Variants in EVC2 observed in about 807,000 individuals in gnomAD.
The protein encoded by EVC2 is limbin.
Under a neutral mutation model 149.3 loss-of-function variants are expected in EVC2, and 148 were observed. The observed-to-expected ratio is 0.99, with a 90% CI of 0.87 to 1.14. EVC2 has a LOEUF of 1.14. Ranked by LOEUF, EVC2 falls within the 50% of genes most tolerant of loss-of-function variation. The pLI is 0.00. For synonymous variants in EVC2, 776 were observed against 649.9 expected (o/e 1.19, Z -2.95); for missense variants, 1,854 against 1,627.3 (o/e 1.14, Z -2.40).
intron 15 of EVC2, among the ~76,000 whole-genome samples, chr4:5,616,219 C>T (rs899918363): frequency 1.3e-5 from 2 of 152,180 alleles, no homozygotes; most frequent in Admixed American, 6.5e-5. Flanking sequence ...TGAGAACTTT[C>T]CCAGCACAGG....
At chr4:5,690,043 A>G (rs1560229002) in intron 4 of EVC2, among the ~76,000 whole-genome samples, 3 of 152,318 alleles carry the variant, frequency 2.0e-5, no homozygotes, top group South Asian at 4.1e-4. Context: ...AAGAAGTGAT[A>G]AAAGAAAGCT....
Position 5,622,427 on chromosome 4 carries a change from T to G in EVC2, c.2501+110A>C. The G allele has an allele frequency of 7.9e-7, 1 of 1,258,946 alleles. No homozygotes were observed. Among genetic ancestry groups the G allele is most frequent in the Non-Finnish European group, 1.1e-6 (1 of 880,700 alleles). 78.0% of individuals were successfully genotyped at this position (1,258,946 alleles called of 1,614,324 possible). The stretch of plus-strand genomic sequence containing the variant: ...ACTAATTAACGCTGGTAATCTCATC[T>G]GTCTGGGGCCAGGTGTCTCATGCTT... On this transcript the variant is annotated intron_variant, in intron 14 of 21. Transcript: ENST00000344408. The surrounding 1 kb of genome is among the most constrained non-coding windows in gnomAD (Gnocchi z 5.8).
intron 10 of EVC2, among the ~76,000 whole-genome samples, chr4:5,638,939 TC>T (rs1717103129): frequency 6.6e-6 from 1 of 152,118 alleles, no homozygotes; most frequent in African/African-American, 2.4e-5. Context: ...AGAAAAAAAT[TC>T]TGTTGTTTTA....
At position 5,613,491 on chromosome 4, in the gene EVC2, T is replaced by C. The variant is rs1258670511; in HGVS notation, c.2829+1931A>G. Reference sequence around the variant, plus strand: ...CTTCCTCCCTGTGCCAGGAGCTCAATGTGCACAGGACCCGACCTCTCTCCA... The same window carrying C: ...CTTCCTCCCTGTGCCAGGAGCTCAACGTGCACAGGACCCGACCTCTCTCCA... On this transcript the variant is annotated intron_variant, in intron 16 of 21. Transcript: ENST00000344408. This position sits in a 1 kb window ranked among gnomAD's most constrained non-coding sequence, Gnocchi z 4.6. Among the ~76,000 whole-genome samples the C allele has an allele frequency of 1.3e-5, 2 of 152,130 alleles. No individual in the cohort carries two copies. The highest frequency in any genetic ancestry group is 4.8e-5 in the African/African-American group (2 of 41,420).
the EVC2 span, among the ~76,000 whole-genome samples, chr4:5,535,903 T>A: frequency 6.6e-6 from 1 of 152,112 alleles, no homozygotes; most frequent in African/African-American, 2.4e-5. This position sits in a 1 kb window ranked among gnomAD's most constrained non-coding sequence, Gnocchi z 4.7. Context: ...CCATACCCAC[T>A]GCAGCCTTTG....
chr4:5,650,932 ATTG>A (rs1317886802), intron 9 of EVC2, among the ~76,000 whole-genome samples: 1 of 152,002 alleles, frequency 6.6e-6, no homozygotes, highest in Non-Finnish European at 1.5e-5. Context: ...GTGACTTCTC[ATTG>A]TTGTTGCTGC....
chr4:5,695,890 T>TA, intron 2 of EVC2, among the ~76,000 whole-genome samples: 2 of 152,292 alleles, frequency 1.3e-5, no homozygotes, highest in South Asian at 2.1e-4. Context: ...AAAATCTGAT[T>TA]AAAAAAAGAT....
At chr4:5,535,039 A>C in the EVC2 span, among the ~76,000 whole-genome samples, 3 of 152,128 alleles carry the variant, frequency 2.0e-5, no homozygotes, top group African/African-American at 7.2e-5. This position sits in a 1 kb window ranked among gnomAD's most constrained non-coding sequence, Gnocchi z 4.7. Context: ...GGCAGTAGGC[A>C]GAGGTTCCCT....
At chr4:5,562,205 TTGTAA>T (rs1439352787), downstream of EVC2, among the ~76,000 whole-genome samples, 1 of 152,174 alleles carries the variant, frequency 6.6e-6, no homozygotes, top group Non-Finnish European at 1.5e-5. The surrounding 1 kb of genome is among the most constrained non-coding windows in gnomAD (Gnocchi z 4.3). Context: ...CTTTATGATC[TTGTAA>T]AAATCACTTC....
At chr4:5,645,530 A>G (rs1717649565) in intron 9 of EVC2, among the ~76,000 whole-genome samples, 1 of 152,044 alleles carries the variant, frequency 6.6e-6, no homozygotes, top group African/African-American at 2.4e-5. Context: ...TCTCTTACTG[A>G]GTTAGTTTGC....
intron 9 of EVC2, among the ~76,000 whole-genome samples, chr4:5,658,557 A>G (rs1360175289): frequency 6.6e-6 from 1 of 152,242 alleles, no homozygotes; most frequent in Non-Finnish European, 1.5e-5. Context: ...AGCATCCAGA[A>G]AGAGTCCTAA....
chr4:5,564,182 G>A (rs1217057161), intron 21 of EVC2, among the ~76,000 whole-genome samples: 1 of 152,188 alleles, frequency 6.6e-6, no homozygotes, highest in East Asian at 1.9e-4. Flanking sequence ...GAGCTACTAA[G>A]TCTGCACAAG....
chr4:5,675,478 C>T (rs992341840), intron 7 of EVC2, among the ~76,000 whole-genome samples: 6 of 152,122 alleles, frequency 3.9e-5, no homozygotes, highest in African/African-American at 1.4e-4. Flanking sequence ...TCTGATGTTT[C>T]TCGTAGCAGT....
chr4:5,543,968 G>A (rs1721565088), intron 21 of EVC2, among the ~76,000 whole-genome samples: 1 of 152,136 alleles, frequency 6.6e-6, no homozygotes, highest in South Asian at 2.1e-4. Flanking sequence ...GTGACAGTGT[G>A]GGCACCCTCG....
At chr4:5,562,409 A>G (rs745996860), downstream of EVC2, 6 of 986,130 alleles carry the variant, frequency 6.1e-6, no homozygotes, top group Non-Finnish European at 7.4e-6. The surrounding 1 kb of genome is among the most constrained non-coding windows in gnomAD (Gnocchi z 4.3). Flanking sequence ...CTTCCTACAT[A>G]AAGCAAACAT....
downstream of EVC2, among the ~76,000 whole-genome samples, chr4:5,561,328 C>G (rs996695079): frequency 6.6e-6 from 1 of 152,212 alleles, no homozygotes; most frequent in African/African-American, 2.4e-5. Context: ...ACCATGCATG[C>G]TCCACTCTGC....
intron 16 of EVC2, among the ~76,000 whole-genome samples, 174 bp from the exon 17 acceptor site, chr4:5,585,024 C>A (rs116241937): frequency 1.3e-4 from 20 of 152,260 alleles, no homozygotes; most frequent in African/African-American, 3.6e-4. Flanking sequence ...GCTGTCCCTG[C>A]GTATGAAGAC....
At chr4:5,701,360 G>C (rs1020681528) in intron 1 of EVC2, among the ~76,000 whole-genome samples, 23 of 152,202 alleles carry the variant, frequency 1.5e-4, no homozygotes, top group African/African-American at 5.1e-4. Flanking sequence ...CATGAAACCT[G>C]ACATATCCAC....
chr4:5,609,565 G>A (rs1163833332), intron 16 of EVC2, among the ~76,000 whole-genome samples: 4 of 152,170 alleles, frequency 2.6e-5, no homozygotes, highest in Non-Finnish European at 5.9e-5. Context: ...GTAGCATGTG[G>A]AGCTGCTCCA....
Sources: gnomAD v4.1 joint callset for allele counts (sites outside exome capture counted in the v4.1 genomes callset) on GRCh38, gnomAD v4.1.1 for gene constraint, Gnocchi (gnomAD v3.1) non-coding constraint, MANE v1.5 for transcripts, NCBI Gene and HGNC (gene_info 2026-07-23, HGNC 2026-07-21) for gene names.